IKZF3: variants seen among roughly 807,000 people sequenced by gnomAD.
IKZF3 encodes the protein IKAROS family zinc finger 3, also known as zinc finger protein Aiolos.
Under a neutral mutation model 49.0 loss-of-function variants are expected in IKZF3, and 10 were observed. The ratio of observed to expected loss-of-function variants is 0.20; its 90% CI spans 0.13 to 0.35. The LOEUF (loss-of-function observed/expected upper bound fraction) is 0.35, where lower values mean the gene tolerates loss of function less well. Among genes scored for constraint, IKZF3 ranks in the 10% least tolerant of loss-of-function variants. The probability of loss-of-function intolerance (pLI) is 1.00; values close to 1 mark genes in which losing one functional copy is unlikely to be tolerated. For missense variants in IKZF3, 498 were observed against 664.8 expected, an observed-to-expected ratio of 0.75 and a Z score of 2.76; for synonymous variants, 209 against 228.2, an observed-to-expected ratio of 0.92 and a Z score of 0.76.
At position 39,829,481 on chromosome 17, in the gene IKZF3, T is replaced by C. The variant is rs763279396; in HGVS notation, c.69A>G (p.Ala23=). 4 of 1,611,740 alleles carry C rather than the reference T, an allele frequency of 2.5e-6. No homozygotes were observed. The African/African-American group carries it at 4.0e-5, about 16-fold the overall frequency. ...TTAAACTGTAGTCATTCAAAACCGC[T>C]GCACTTTCTAAAAGATAAAAGGAAT... ...TQEQSVPAES[A]AVLNDYSLTK... The change falls in exon 3 of 8, where the codon GCA becomes GCG. Residue 23 remains alanine (A), a synonymous_variant. Coordinates refer to ENST00000346872, the MANE Select transcript of IKZF3 (RefSeq NM_012481.5).
intron 3 of IKZF3, among the ~76,000 whole-genome samples, chr17:39,799,302 G>A (rs13313564): frequency 0.057 from 8,693 of 152,070 alleles, 378 homozygotes; most frequent in African/African-American, 0.12. Flanking sequence ...ACTGGCCCAC[G>A]GTACATGTGA....
intron 1 of IKZF3, among the ~76,000 whole-genome samples, chr17:39,854,995 G>A (rs1346974616): frequency 6.6e-6 from 1 of 152,140 alleles, no homozygotes. Flanking sequence ...CCTCAAAACA[G>A]ATTAAAAGAG....
intron 2 of IKZF3, 24 bp from the exon 3 acceptor site, chr17:39,829,512 G>C (rs749881432): frequency 2.3e-5 from 35 of 1,528,424 alleles, no homozygotes; most frequent in Non-Finnish European, 3.0e-5. Flanking sequence ...GGAATTTTAA[G>C]TATGTGGTTC....
chr17:39,850,103 T>G (rs1307837005), intron 1 of IKZF3, among the ~76,000 whole-genome samples: 5 of 64,022 alleles, frequency 7.8e-5, no homozygotes, highest in Admixed American at 3.1e-4. Context: ...TAGCATATTA[T>G]ATATGTATAT....
At chr17:39,807,910 A>C (rs1235999581) in intron 3 of IKZF3, among the ~76,000 whole-genome samples, 1 of 152,138 alleles carries the variant, frequency 6.6e-6, no homozygotes, top group East Asian at 1.9e-4. Flanking sequence ...AAACAAGTAC[A>C]AAGGGTTTTT....
intron 7 of IKZF3, among the ~76,000 whole-genome samples, chr17:39,768,466 A>G (rs2060351758): frequency 6.6e-6 from 1 of 152,134 alleles, no homozygotes. Flanking sequence ...CTCAGGCTTC[A>G]CTCTTCCTTC....
At chr17:39,842,346 T>C (rs530370030) in intron 1 of IKZF3, among the ~76,000 whole-genome samples, 392 of 152,280 alleles carry the variant, frequency 2.6e-3, no homozygotes, top group Middle Eastern at 6.8e-3. Context: ...CTGGCCAACA[T>C]GGCGAAACCC....
intron 1 of IKZF3, chr17:39,839,570 A>G: frequency 2.0e-6 from 1 of 499,988 alleles, no homozygotes; most frequent in African/African-American, 2.1e-5. Context: ...GGAGAAAGGA[A>G]GAGAGGACTG....
chr17:39,814,252 A>G (rs2061628863), intron 3 of IKZF3, among the ~76,000 whole-genome samples: 1 of 152,234 alleles, frequency 6.6e-6, no homozygotes, highest in Non-Finnish European at 1.5e-5. Context: ...GTCACAATGG[A>G]GAAAATATAA....
chr17:39,788,226 A>T (rs771401654), intron 6 of IKZF3, 32 bp downstream of exon 6: 15 of 1,307,174 alleles, frequency 1.1e-5, no homozygotes, highest in Non-Finnish European at 1.4e-5. Flanking sequence ...AGGACAGCAG[A>T]TGCTCACTAA....
In IKZF3 at chr17:39,808,485, A is replaced by C. The variant is rs147713390; in HGVS notation, c.164-15552T>G. On this transcript the variant is annotated intron_variant, in intron 3 of 7. Transcript: ENST00000346872. The stretch of plus-strand genomic sequence containing the variant: ...AAATTCATAAGGATCCAGATACATA[A>C]GGATATATTACTTCTTTGTTATATT... Among the ~76,000 whole-genome samples, 113 of 152,312 alleles carry C rather than the reference A, an allele frequency of 7.4e-4. 1 individual carries two copies. The East Asian group carries it at 0.02, about 27-fold the overall frequency.
chr17:39,813,303 G>GAAA (rs71355420), intron 3 of IKZF3, among the ~76,000 whole-genome samples: 1 of 126,050 alleles, frequency 7.9e-6, no homozygotes, highest in Non-Finnish European at 1.7e-5. Flanking sequence ...GCTTAGTTAT[G>GAAA]AAAAAAAAAA....
chr17:39,831,252 T>TG (rs2062100048), intron 2 of IKZF3, among the ~76,000 whole-genome samples: 1 of 151,926 alleles, frequency 6.6e-6, no homozygotes, highest in Non-Finnish European at 1.5e-5. Context: ...TGCATGCCTG[T>TG]AATCTCAGCT....
At chr17:39,802,645 AATAGCCAGGT>A (rs1408861371) in intron 3 of IKZF3, among the ~76,000 whole-genome samples, 2 of 151,448 alleles carry the variant, frequency 1.3e-5, no homozygotes, top group African/African-American at 2.4e-5. Flanking sequence ...GTCATGAGAA[AATAGCCAGGT>A]ATGGTAGAAT....
chr17:39,833,061 C>T (rs1185493615), intron 1 of IKZF3, among the ~76,000 whole-genome samples: 1 of 152,098 alleles, frequency 6.6e-6, no homozygotes, highest in East Asian at 1.9e-4. Context: ...CCATTACTCA[C>T]CCTCTGGATT....
chr17:39,807,825 A>G (rs2061468269), intron 3 of IKZF3, among the ~76,000 whole-genome samples: 1 of 152,174 alleles, frequency 6.6e-6, no homozygotes, highest in African/African-American at 2.4e-5. Context: ...TGAAATACCC[A>G]GAAACAGTAA....
At position 39,864,230 on chromosome 17, in the gene IKZF3, C is replaced by G; in HGVS notation, c.-104G>C. On this transcript the variant is annotated 5_prime_UTR_variant, in exon 1 of 8. Transcript: ENST00000346872. ...CGCGCAGCTGGCGGGAGATTCCCGG[C>G]GCGGGGAGTCCCCGGGATCCGGCAG... 1 of 1,356,566 alleles carries G rather than the reference C, an allele frequency of 7.4e-7. No individual in the cohort carries two copies. The highest frequency in any genetic ancestry group is 1.0e-6 in the Non-Finnish European group (1 of 990,840). 84.0% of individuals were successfully genotyped at this position (1,356,566 alleles called of 1,614,324 possible). A position where few individuals can be genotyped will look rare whatever the true frequency, so the allele number is the denominator to read the frequency against.
chr17:39,846,114 A>C (rs1174928872), intron 1 of IKZF3, among the ~76,000 whole-genome samples: 1 of 152,184 alleles, frequency 6.6e-6, no homozygotes, highest in African/African-American at 2.4e-5. Flanking sequence ...TCCACAACTA[A>C]ATAACCAATC....
intron 6 of IKZF3, among the ~76,000 whole-genome samples, chr17:39,782,244 T>C (rs67605703): frequency 0.057 from 8,744 of 152,194 alleles, 387 homozygotes; most frequent in African/African-American, 0.12. Flanking sequence ...ATGAAATGAG[T>C]GCCCTTTGAA....
Sources: allele counts gnomAD v4.1 joint callset (sites outside exome capture counted in the v4.1 genomes callset), GRCh38; gene constraint gnomAD v4.1.1; transcripts MANE v1.5; gene names NCBI Gene and HGNC (gene_info 2026-07-23, HGNC 2026-07-21).